PSD3: variants seen among roughly 807,000 people sequenced by gnomAD.
PSD3 encodes pleckstrin and Sec7 domain containing 3, also known as PH and SEC7 domain-containing protein 3.
A neutral mutation model predicts 105.5 loss-of-function variants in PSD3; 49 were observed. The ratio of observed to expected loss-of-function variants is 0.46; its 90% confidence interval spans 0.37 to 0.59. The LOEUF (loss-of-function observed/expected upper bound fraction) is 0.59, where lower values mean the gene tolerates loss of function less well. PSD3 is among the 20% of genes least tolerant of loss of function. The probability of loss-of-function intolerance (pLI) is 0.00; values close to 1 mark genes in which losing one functional copy is unlikely to be tolerated. For synonymous variants in PSD3, 557 were observed against 457.8 expected, an observed-to-expected ratio of 1.22 and a Z score of -2.77; for missense variants, 1,561 against 1,263.8, an observed-to-expected ratio of 1.24 and a Z score of -3.57.
intron 2 of PSD3, among the ~76,000 whole-genome samples, chr8:18,903,598 C>G (rs974697284): frequency 6.6e-6 from 1 of 152,112 alleles, no homozygotes; most frequent in African/African-American, 2.4e-5. Context: ...GTTCTACTTC[C>G]CTGTTATATG....
chr8:18,623,165 G>T (rs1292547337), intron 11 of PSD3, among the ~76,000 whole-genome samples: 1 of 152,006 alleles, frequency 6.6e-6, no homozygotes, highest in South Asian at 2.1e-4. Flanking sequence ...GATTACAGGC[G>T]TGAGCCACTG....
At chr8:18,859,205 T>G (rs1816247404) in intron 4 of PSD3, among the ~76,000 whole-genome samples, 1 of 151,308 alleles carries the variant, frequency 6.6e-6, no homozygotes, top group African/African-American at 2.4e-5. Flanking sequence ...TGAGTAGCAG[T>G]AGTATTTTCA....
At chr8:18,882,315 G>A (rs944805693) in intron 2 of PSD3, among the ~76,000 whole-genome samples, 4 of 152,096 alleles carry the variant, frequency 2.6e-5, no homozygotes, top group East Asian at 1.9e-4. Context: ...AGTCCTACCC[G>A]TTGCTTCTAA....
intron 11 of PSD3, among the ~76,000 whole-genome samples, chr8:18,607,576 T>G (rs1277990084): frequency 6.6e-6 from 1 of 151,500 alleles, no homozygotes; most frequent in Non-Finnish European, 1.5e-5. Flanking sequence ...AGGCAATGTC[T>G]TGGATAAATC....
chr8:18,760,063 GCAGAGGATCAAGA>G (rs2129442342), intron 9 of PSD3, among the ~76,000 whole-genome samples: 2 of 151,546 alleles, frequency 1.3e-5, no homozygotes, highest in South Asian at 4.2e-4. Context: ...GAACAGAAAT[GCAGAGGATCAAGA>G]CACTGCATTT....
intron 1 of PSD3, among the ~76,000 whole-genome samples, chr8:18,945,805 A>G (rs770954095): frequency 6.6e-6 from 1 of 152,056 alleles, no homozygotes; most frequent in African/African-American, 2.4e-5. Context: ...GTGAAACCCC[A>G]TCTCTACAAA....
At chr8:18,848,603 T>G (rs1255843709) in intron 4 of PSD3, among the ~76,000 whole-genome samples, 1 of 152,246 alleles carries the variant, frequency 6.6e-6, no homozygotes, top group Non-Finnish European at 1.5e-5. Context: ...AAGTGCTGTA[T>G]GTTCTCTCTC....
intron 15 of PSD3, among the ~76,000 whole-genome samples, chr8:18,540,710 T>C (rs1800106817): frequency 6.6e-6 from 1 of 152,060 alleles, no homozygotes; most frequent in South Asian, 2.1e-4. Flanking sequence ...CCACGTGCAC[T>C]CCTTTCAAAA....
intron 1 of PSD3, among the ~76,000 whole-genome samples, chr8:19,063,864 G>A (rs1395008667): frequency 1.3e-5 from 2 of 152,020 alleles, no homozygotes; most frequent in African/African-American, 2.4e-5. Flanking sequence ...ATTCAAGGCC[G>A]GGCACAGTGG....
chr8:18,856,781 T>C (rs1296171189), intron 4 of PSD3, among the ~76,000 whole-genome samples: 1 of 152,196 alleles, frequency 6.6e-6, no homozygotes, highest in East Asian at 1.9e-4. Context: ...TCAATTCGAT[T>C]TTACCACAGT....
chr8:18,840,736 G>A (rs1290496874), intron 4 of PSD3, among the ~76,000 whole-genome samples: 3 of 152,144 alleles, frequency 2.0e-5, no homozygotes, highest in Non-Finnish European at 4.4e-5. Flanking sequence ...AGCTTATCCT[G>A]CCTCTCTGGG....
intron 8 of PSD3, among the ~76,000 whole-genome samples, chr8:18,771,265 G>T (rs1807501282): frequency 6.6e-6 from 1 of 151,994 alleles, no homozygotes; most frequent in Non-Finnish European, 1.5e-5. Context: ...AGGCTTTTCA[G>T]CTTGAGGGTG....
intron 9 of PSD3, chr8:18,683,657 T>C: frequency 1.5e-6 from 1 of 655,656 alleles, no homozygotes; most frequent in South Asian, 1.8e-5. Flanking sequence ...TAGAACCATT[T>C]TATACTCCTC....
chr8:18,663,630 T>C (rs751629812), intron 9 of PSD3, among the ~76,000 whole-genome samples: 1 of 152,216 alleles, frequency 6.6e-6, no homozygotes, highest in Non-Finnish European at 1.5e-5. Flanking sequence ...TTACCTTCTA[T>C]TGAACTGGCT....
rs1828988675 is a variant in PSD3 at position 19,063,973 on chromosome 8, C to G, written c.324+20233G>C. 1.3e-5 allele frequency among the ~76,000 whole-genome samples: 2 copies of G among 151,910 alleles called. 1 individual carries two copies. Among genetic ancestry groups the G allele is most frequent in the African/African-American group, 4.8e-5 (2 of 41,322 alleles). ...CCTGACCAACATGGTGAAACCGTAT[C>G]TCTACTAAAAATACAAAATTAGCCA... On this transcript the variant is annotated intron_variant, in intron 1 of 1. Transcript: ENST00000521475.
At chr8:18,866,707 T>C (rs562360398) in intron 4 of PSD3, among the ~76,000 whole-genome samples, 4 of 151,834 alleles carry the variant, frequency 2.6e-5, no homozygotes, top group South Asian at 4.2e-4. Context: ...AAACTGGTTA[T>C]AGAAAATGCT....
intron 10 of PSD3, among the ~76,000 whole-genome samples, chr8:18,633,437 C>T (rs1030269242): frequency 6.6e-6 from 1 of 152,038 alleles, no homozygotes; most frequent in Non-Finnish European, 1.5e-5. Context: ...TAGTCCCCAA[C>T]ATCTATTGTT....
Position 18,721,117 on chromosome 8 carries a change from G to C in PSD3, c.2172+44332C>G, listed in dbSNP as rs139112668. 3.3e-3 allele frequency: 495 copies of C among 152,186 alleles called. 2 individuals are homozygous for C. Among genetic ancestry groups the C allele is most frequent in the African/African-American group, 0.012 (485 of 41,528 alleles). 9.4% of individuals were successfully genotyped at this position (152,186 alleles called of 1,614,324 possible). A position where few individuals can be genotyped will look rare whatever the true frequency, so the allele number is the denominator to read the frequency against. On this transcript the variant is annotated intron_variant, in intron 9 of 15. Coordinates refer to ENST00000327040, the MANE Select transcript of PSD3 (RefSeq NM_015310.4). Reference sequence around the variant, plus strand: ...GGAGCAAAGGCCCTTCTCACCCGAAGAGCCCTAGTGATTCATGTCATCGCC... The same window carrying C: ...GGAGCAAAGGCCCTTCTCACCCGAACAGCCCTAGTGATTCATGTCATCGCC...
At chr8:18,996,278 T>G (rs189065462) in intron 1 of PSD3, among the ~76,000 whole-genome samples, 3 of 151,894 alleles carry the variant, frequency 2.0e-5, no homozygotes, top group African/African-American at 7.3e-5. Context: ...GTGCCTCAGA[T>G]GAGAGCTAAA....
Sources: gnomAD v4.1 joint callset for allele counts (sites outside exome capture counted in the v4.1 genomes callset) on GRCh38, gnomAD v4.1.1 for gene constraint, MANE v1.5 for transcripts, NCBI Gene and HGNC (gene_info 2026-07-23, HGNC 2026-07-21) for gene names.